DHX29: variants seen among roughly 807,000 people sequenced by gnomAD.
The protein encoded by DHX29 is ATP-dependent RNA helicase DHX29.
Under a neutral mutation model 167.9 loss-of-function variants are expected in DHX29, and 79 were observed. The ratio of observed to expected loss-of-function variants is 0.47; its 90% CI spans 0.39 to 0.57. The LOEUF is 0.57. DHX29 is among the 20% of genes least tolerant of loss of function. The pLI is 0.00. For missense variants in DHX29, 1,347 were observed against 1,593.4 expected (o/e 0.85, Z 2.63); for synonymous variants, 530 against 546.0 (o/e 0.97, Z 0.41).
At position 55,290,328 on chromosome 5, in the gene DHX29, T is replaced by C. The variant is rs1243766794; in HGVS notation, c.797A>G (p.His266Arg). ...EKFDPNERYL[H>R]LAAKLLDAKE... Reference sequence around the variant, plus strand: ...TGCATCCAGCAGTTTTGCTGCAAGATGTAAGTACCTTTCATTCTGTTCCAA... The same window carrying C: ...TGCATCCAGCAGTTTTGCTGCAAGACGTAAGTACCTTTCATTCTGTTCCAA... The change falls in exon 7 of 27, where the codon CAT becomes CGT. Residue 266 changes from histidine to arginine, a missense_variant. By Grantham distance (29) the His-to-Arg change is conservative. Transcript: ENST00000251636. 10 of 1,605,754 alleles carry C rather than the reference T, an allele frequency of 6.2e-6. No homozygotes were observed. The highest frequency in any genetic ancestry group is 2.7e-5 in the African/African-American group (2 of 74,224).
chr5:55,307,436 G>A lies in DHX29; in HGVS notation c.138C>T (p.Ala46=), dbSNP rs1348026480. 3 of 1,612,842 alleles carry A rather than the reference G, an allele frequency of 1.9e-6. No individual in the cohort carries two copies. The African/African-American group carries it at 4.0e-5, about 22-fold the overall frequency. The change falls in exon 1 of 27, where the codon GCC becomes GCT. Residue 46 remains alanine (A), a synonymous_variant. Transcript: ENST00000251636. ...AGCCGGCAGCGGCAGCGGCAGCGGT[G>A]GCCGGCCTGGACACTGGCTTCTTGC... ...AQSKKPVSRP[A]TAAAAAAGSR...
Position 55,298,794 on chromosome 5 carries a change from G to A in DHX29, c.188-130C>T, listed in dbSNP as rs1748451011. 7.3e-6 allele frequency: 3 copies of A among 413,446 alleles called. No homozygotes were observed. In the East Asian group the frequency reaches 1.4e-4, roughly 19 times the overall value. The allele number at this position is 413,446 out of a possible 1,614,324, so 25.6% of individuals were successfully genotyped here. On this transcript the variant is annotated intron_variant, in intron 1 of 26. Transcript: ENST00000251636. ...GCCTGTAATCCCAGCACTTTGGGAG[G>A]CCGAGGCGGGTGGATCATGAGGTCA...
In DHX29 at chr5:55,259,906, T is replaced by G; in HGVS notation, c.3999A>C (p.Arg1333Ser). The change falls in exon 26 of 27, where the codon AGA becomes AGC. Residue 1333 changes from arginine to serine, a missense_variant. Coordinates refer to ENST00000251636, the MANE Select transcript of DHX29 (RefSeq NM_019030.4). ...TTCTTAAAACTGAATCAATGAGAAC[T>G]CTCAGCTGCTTGAAAATGACAGCTA... Reference protein sequence around the residue: ...VKIAVIFKQLRVLIDSVLRKK... With the variant: ...VKIAVIFKQLSVLIDSVLRKK... 6.2e-7 allele frequency: 1 copy of G among 1,612,760 alleles called. No individual in the cohort carries two copies. The highest frequency in any genetic ancestry group is 1.1e-5 in the South Asian group (1 of 91,014).
chr5:55,271,827 T>C (rs1746866609), intron 18 of DHX29, among the ~76,000 whole-genome samples: 1 of 152,334 alleles, frequency 6.6e-6, no homozygotes, highest in African/African-American at 2.4e-5. Flanking sequence ...TAAAAATTTA[T>C]GTTCTGAAAA....
intron 6 of DHX29, 142 bp from the exon 7 acceptor site, chr5:55,290,486 T>C (rs1411708089): frequency 3.6e-5 from 38 of 1,069,156 alleles, no homozygotes; most frequent in Non-Finnish European, 4.5e-5. Flanking sequence ...GAATTTTTCA[T>C]AGAGAAATAA....
rs756609109 is a variant in DHX29, at chr5:55,283,564, G to A, written c.1604C>T (p.Ala535Val). ...ENLVSDEDFSALSLESANVED... is the reference protein window; with the variant it reads ...ENLVSDEDFSVLSLESANVED... ...CACATTTGCTGATTCCAAGGACAGT[G>A]CAGAAAAATCCTCATCCGAAACTAA... Residue 535 changes from alanine (A) to valine (V), a missense_variant, in exon 11 of 27, where the codon GCA becomes GTA. This residue lies in a region of DHX29 where 882 missense variants were observed against 1,082.4 expected (regional missense o/e 0.81). Transcript: ENST00000251636. 5.6e-6 allele frequency: 9 copies of A among 1,614,158 alleles called. No individual in the cohort carries two copies. In the South Asian group the frequency reaches 9.9e-5, roughly 18 times the overall value.
chr5:55,282,800 C>T (rs1040408588), intron 11 of DHX29, among the ~76,000 whole-genome samples: 1 of 151,702 alleles, frequency 6.6e-6, no homozygotes, highest in Admixed American at 6.6e-5. Context: ...ACTGTTTTTC[C>T]CTTCTGCTCA....
chr5:55,296,027 C>T (rs138833033), intron 4 of DHX29, among the ~76,000 whole-genome samples, 193 bp downstream of exon 4: 70 of 152,224 alleles, frequency 4.6e-4, no homozygotes, highest in African/African-American at 1.5e-3. Context: ...CAACTGAACA[C>T]AAAACATAAT....
intron 3 of DHX29, 75 bp downstream of exon 3, chr5:55,297,210 A>G: frequency 2.9e-6 from 2 of 691,586 alleles, no homozygotes; most frequent in East Asian, 2.6e-5. Flanking sequence ...TTGTAAAGCC[A>G]TTTTTATCTC....
chr5:55,268,131 C>A (rs1198778716), intron 21 of DHX29, among the ~76,000 whole-genome samples: 1 of 152,038 alleles, frequency 6.6e-6, no homozygotes, highest in Non-Finnish European at 1.5e-5. Flanking sequence ...AGAAAAAAAT[C>A]TGAACATTTA....
chr5:55,307,487 C>T lies in DHX29; in HGVS notation c.87G>A (p.Glu29=), dbSNP rs1329031975. 6.2e-7 allele frequency: 1 copy of T among 1,613,666 alleles called. No individual in the cohort carries two copies. The highest frequency in any genetic ancestry group is 1.1e-5 in the South Asian group (1 of 91,090). The change falls in exon 1 of 27, where the codon GAG becomes GAA. Residue 29 remains glutamate, a synonymous_variant. Coordinates refer to ENST00000251636, the MANE Select transcript of DHX29 (RefSeq NM_019030.4). ...TTTGGGCCTCCCCGGCAATTCCAGC[C>T]TCGGCAGATTTGGCTCTGGAAGCAG... The part of the protein sequence containing the change: ...AVSASRAKSA[E]AGIAGEAQSK...
At chr5:55,274,258 G>A (rs897093670) in intron 16 of DHX29, among the ~76,000 whole-genome samples, 4 of 152,022 alleles carry the variant, frequency 2.6e-5, no homozygotes, top group East Asian at 3.9e-4. Flanking sequence ...TTAGCTGGGC[G>A]TAGTGGTGCA....
chr5:55,281,803 G>C (rs929966505), intron 11 of DHX29, among the ~76,000 whole-genome samples: 37 of 53,960 alleles, frequency 6.9e-4, no homozygotes, highest in African/African-American at 2.6e-3. Context: ...TTTTTTTTTT[G>C]AGACGGAGTT....
At position 55,276,490 on chromosome 5, in the gene DHX29, T is replaced by G. The variant is rs1747123899; in HGVS notation, c.2287-84A>C. The G allele has an allele frequency of 1.5e-5, 16 of 1,047,776 alleles. No homozygotes were observed. In the Admixed American group the frequency reaches 1.6e-4, roughly 11 times the overall value. The allele number at this position is 1,047,776 out of a possible 1,614,324, so 64.9% of individuals were successfully genotyped here. A position where few individuals can be genotyped will look rare whatever the true frequency, so the allele number is the denominator to read the frequency against. On this transcript the variant is annotated intron_variant, in intron 13 of 26. Coordinates refer to ENST00000251636, the MANE Select transcript of DHX29 (RefSeq NM_019030.4). ...TTAAAGAGAACAGGGGACACCACCT[T>G]TTGAATGTCACCAAATGTTAATTTA...
At chr5:55,306,423 C>T (rs994845008) in intron 1 of DHX29, among the ~76,000 whole-genome samples, 3 of 152,124 alleles carry the variant, frequency 2.0e-5, no homozygotes, top group African/African-American at 7.2e-5. Flanking sequence ...TTCCAGACAC[C>T]ATCCATGATA....
chr5:55,295,629 A>T, intron 4 of DHX29, 105 bp from the exon 5 acceptor site: 1 of 1,127,244 alleles, frequency 8.9e-7, no homozygotes, highest in Non-Finnish European at 1.3e-6. Context: ...TAGAGCACCT[A>T]ATTTTCTTCT....
chr5:55,271,863 A>C (rs1186900625), intron 18 of DHX29, among the ~76,000 whole-genome samples: 1 of 152,206 alleles, frequency 6.6e-6, no homozygotes, highest in Non-Finnish European at 1.5e-5. Flanking sequence ...TTCTAAAAGT[A>C]GCAGTATACT....
intron 13 of DHX29, 50 bp from the exon 14 acceptor site, chr5:55,276,456 A>G (rs768692814): frequency 2.1e-6 from 3 of 1,446,752 alleles, no homozygotes; most frequent in Non-Finnish European, 9.4e-7. Context: ...CGTTTCAGTA[A>G]ATATCATTTT....
chr5:55,264,131 T>TAA (rs1217937300), intron 23 of DHX29, among the ~76,000 whole-genome samples: 1 of 148,376 alleles, frequency 6.7e-6, no homozygotes, highest in African/African-American at 2.5e-5. Flanking sequence ...CCCATCTATT[T>TAA]AAAAAAAAAA....
Sources: allele counts gnomAD v4.1 joint callset (sites outside exome capture counted in the v4.1 genomes callset), GRCh38; gene constraint gnomAD v4.1.1; regional missense constraint gnomAD v4.1.1; transcripts MANE v1.5; gene names NCBI Gene and HGNC (gene_info 2026-07-23, HGNC 2026-07-21).